UST: variants seen among roughly 807,000 people sequenced by gnomAD.
UST encodes the protein uronyl 2-sulfotransferase.
UST carries 21 observed loss-of-function variants against 45.6 expected under a neutral mutation model. The observed-to-expected ratio is 0.46, with a 90% confidence interval of 0.33 to 0.66. UST has a LOEUF of 0.66. Ranked by LOEUF, UST falls within the 30% of genes least tolerant of loss-of-function variation. The pLI, the probability that UST is intolerant of heterozygous loss-of-function variation, is 0.02. For synonymous variants in UST, 215 were observed against 200.6 expected (o/e 1.07, Z -0.61); for missense variants, 463 against 512.4 (o/e 0.90, Z 0.93).
chr6:148,976,183 A>G (rs1781013105), intron 5 of UST, among the ~76,000 whole-genome samples: 1 of 152,196 alleles, frequency 6.6e-6, no homozygotes, highest in Non-Finnish European at 1.5e-5. Context: ...AATTAAAGCA[A>G]TATGTCACTT....
chr6:149,020,931 T>G (rs564166398), intron 6 of UST, among the ~76,000 whole-genome samples: 85 of 152,382 alleles, frequency 5.6e-4, no homozygotes, highest in African/African-American at 2.0e-3. Flanking sequence ...AGTTTCATAT[T>G]TCAAAACTCC....
intron 1 of UST, among the ~76,000 whole-genome samples, chr6:148,855,178 T>C (rs1778180234): frequency 6.6e-6 from 1 of 152,158 alleles, no homozygotes; most frequent in Admixed American, 6.5e-5. Flanking sequence ...CCTTGACACG[T>C]GGGACCTGTG....
intron 1 of UST, among the ~76,000 whole-genome samples, chr6:148,838,881 G>A (rs1230449586): frequency 1.1e-4 from 16 of 152,082 alleles, no homozygotes; most frequent in African/African-American, 1.2e-4. Flanking sequence ...TGACTGCAGC[G>A]CGAGGCTCCA....
chr6:149,031,605 A>G lies in UST; in HGVS notation c.937+10124A>G, dbSNP rs189954502. ...AGGAGAAAGCATTTCCAATTTTATT[A>G]TGAAAGATTAACAGGAAAATAGAAC... On this transcript the variant is annotated intron_variant, in intron 7 of 7. Coordinates refer to ENST00000367463, the MANE Select transcript of UST (RefSeq NM_005715.3). Among the ~76,000 whole-genome samples, 283 of 152,352 alleles carry G rather than the reference A, an allele frequency of 1.9e-3. 2 individuals carry two copies. Among genetic ancestry groups the G allele is most frequent in the Non-Finnish European group, 3.0e-3 (203 of 68,034 alleles).
chr6:148,864,376 G>A (rs1778384184), intron 1 of UST, among the ~76,000 whole-genome samples: 1 of 152,224 alleles, frequency 6.6e-6, no homozygotes, highest in Non-Finnish European at 1.5e-5. Context: ...GGGTGGGAGT[G>A]ACCTGATTTT....
chr6:148,854,977 G>A (rs1765082810), intron 1 of UST, among the ~76,000 whole-genome samples: 2 of 152,232 alleles, frequency 1.3e-5, no homozygotes, highest in East Asian at 1.9e-4. Context: ...CGTGGCTGGG[G>A]AGGCCTCACA....
intron 1 of UST, among the ~76,000 whole-genome samples, chr6:148,855,113 C>G (rs762417722): frequency 1.3e-5 from 2 of 152,160 alleles, no homozygotes; most frequent in African/African-American, 4.8e-5. Flanking sequence ...ATCACGAGAA[C>G]AGCACGAGAA....
At chr6:148,780,298 T>G (rs1303483530) in intron 1 of UST, among the ~76,000 whole-genome samples, 1 of 152,142 alleles carries the variant, frequency 6.6e-6, no homozygotes, top group Non-Finnish European at 1.5e-5. Flanking sequence ...AAACTTTTAT[T>G]TTAGGTCCAG....
intron 1 of UST, among the ~76,000 whole-genome samples, chr6:148,866,363 C>A (rs17079169): frequency 0.26 from 39,411 of 151,482 alleles, 5,587 homozygotes; most frequent in East Asian, 0.59. Flanking sequence ...AAAATAAGGA[C>A]GTCAACTATG....
At chr6:148,857,156 A>C (rs1405334907) in intron 1 of UST, among the ~76,000 whole-genome samples, 1 of 152,138 alleles carries the variant, frequency 6.6e-6, no homozygotes, top group Non-Finnish European at 1.5e-5. Flanking sequence ...AAACACATTC[A>C]GTGAACAGAA....
In UST at chr6:149,065,600, G is replaced by T. The variant is rs780167702; in HGVS notation, c.938-8233G>T. Among the ~76,000 whole-genome samples the T allele has an allele frequency of 4.6e-5, 7 of 152,212 alleles. No individual in the cohort carries two copies. In the South Asian group the frequency reaches 1.5e-3, roughly 32 times the overall value. On this transcript the variant is annotated intron_variant, in intron 7 of 7. Transcript: ENST00000367463. ...TAGATGGGGACCCAGATTCAAATTC[G>T]TTTTTTCACTTACCAGCCAGCTATG...
intron 1 of UST, among the ~76,000 whole-genome samples, chr6:148,759,847 CAAAAAAAAAAA>C (rs71554421): frequency 5.1e-5 from 3 of 59,206 alleles, no homozygotes; most frequent in East Asian, 4.7e-4. Flanking sequence ...GACTCTGTCT[CAAAAAAAAAAA>C]AAAAAAAAAA....
At chr6:149,054,917 G>T (rs1310389294) in intron 7 of UST, among the ~76,000 whole-genome samples, 1 of 152,104 alleles carries the variant, frequency 6.6e-6, no homozygotes, top group Non-Finnish European at 1.5e-5. Flanking sequence ...GACCTCCCCG[G>T]CTCAAGCAAT....
At chr6:148,891,728 T>G (rs752420244) in intron 2 of UST, among the ~76,000 whole-genome samples, 6 of 152,246 alleles carry the variant, frequency 3.9e-5, no homozygotes, top group Non-Finnish European at 5.9e-5. Context: ...ATAAGCAATC[T>G]GGTACATTGA....
At chr6:149,021,686 C>T (rs1775983737) in intron 7 of UST, among the ~76,000 whole-genome samples, 1 of 152,202 alleles carries the variant, frequency 6.6e-6, no homozygotes, top group Non-Finnish European at 1.5e-5. Context: ...ATAAAAGCAC[C>T]ATGTTCCAAA....
intron 1 of UST, among the ~76,000 whole-genome samples, chr6:148,766,523 T>A (rs1049459757): frequency 3.3e-5 from 5 of 152,206 alleles, no homozygotes; most frequent in Admixed American, 3.3e-4. Flanking sequence ...AATCACCGTA[T>A]TCATGGGGCT....
intron 2 of UST, among the ~76,000 whole-genome samples, chr6:148,940,461 C>T (rs1048453110): frequency 6.6e-6 from 1 of 152,080 alleles, no homozygotes; most frequent in African/African-American, 2.4e-5. Context: ...CCACTGCACT[C>T]CAGCCTGGGC....
At chr6:148,933,508 A>G (rs929424630) in intron 2 of UST, among the ~76,000 whole-genome samples, 3 of 152,198 alleles carry the variant, frequency 2.0e-5, no homozygotes, top group Admixed American at 6.5e-5. Context: ...CTCTTGGAGA[A>G]GATGGGCTTG....
At position 148,879,744 on chromosome 6, in the gene UST, A is replaced by G. The variant is rs565925120; in HGVS notation, c.248-7242A>G. 2.1e-4 allele frequency among the ~76,000 whole-genome samples: 32 copies of G among 152,298 alleles called. 2 individuals are homozygous for G. The East Asian group carries it at 5.4e-3, about 26-fold the overall frequency. On this transcript the variant is annotated intron_variant, in intron 1 of 7. Coordinates refer to ENST00000367463, the MANE Select transcript of UST (RefSeq NM_005715.3). Reference sequence around the variant, plus strand: ...GCTGGTGTTGTTCTGAGCATTTTTCATAGAACAAAATTATTCTCATGCATT... The same window carrying G: ...GCTGGTGTTGTTCTGAGCATTTTTCGTAGAACAAAATTATTCTCATGCATT...
Sources: allele counts gnomAD v4.1 joint callset (sites outside exome capture counted in the v4.1 genomes callset), GRCh38; gene constraint gnomAD v4.1.1; transcripts MANE v1.5; gene names NCBI Gene and HGNC (gene_info 2026-07-23, HGNC 2026-07-21).